FRS2: variants seen among roughly 807,000 people sequenced by gnomAD.
FRS2 encodes FGFR signalling adaptor.
FRS2 carries 8 observed loss-of-function variants against 43.9 expected under a neutral mutation model. The observed-to-expected ratio is 0.18, with a 90% CI of 0.11 to 0.33. The LOEUF (loss-of-function observed/expected upper bound fraction) is 0.33, where lower values mean the gene tolerates loss of function less well. FRS2 is among the 10% of genes least tolerant of loss of function. The probability of loss-of-function intolerance (pLI) is 1.00; values close to 1 mark genes in which losing one functional copy is unlikely to be tolerated. For missense variants in FRS2, 534 were observed against 627.6 expected (o/e 0.85, Z 1.59); for synonymous variants, 219 against 220.3 (o/e 0.99, Z 0.05).
chr12:69,487,720 C>T lies in FRS2; in HGVS notation c.-261+17190C>T, dbSNP rs138256526. Among the ~76,000 whole-genome samples the T allele has an allele frequency of 1.1e-3, 165 of 152,288 alleles. 1 individual carries two copies. Among genetic ancestry groups the T allele is most frequent in the African/African-American group, 3.7e-3 (152 of 41,558 alleles). The stretch of plus-strand genomic sequence containing the variant: ...ATAGGTGCCATAGGTAGTGATTCTT[C>T]TGATGGATCTGGGCAAAGTAAACTG... On this transcript the variant is annotated intron_variant, in intron 1 of 8. Transcript: ENST00000549921.
intron 1 of FRS2, chr12:69,491,398 A>T (rs1461024802): frequency 6.6e-6 from 1 of 151,982 alleles, no homozygotes; most frequent in African/African-American, 2.4e-5. Flanking sequence ...CGCCTGGCCC[A>T]TACGTAGCTT....
chr12:69,486,472 CT>C (rs1443879368), intron 1 of FRS2, among the ~76,000 whole-genome samples: 1 of 152,168 alleles, frequency 6.6e-6, no homozygotes, highest in African/African-American at 2.4e-5. Flanking sequence ...TTCCTCATCT[CT>C]TTCCTGCTCC....
At chr12:69,485,109 A>ACG (rs941367816) in intron 1 of FRS2, among the ~76,000 whole-genome samples, 1 of 148,660 alleles carries the variant, frequency 6.7e-6, no homozygotes. Context: ...ACACACACAC[A>ACG]CACACACACA....
rs527739765 is a variant in FRS2, at chr12:69,576,630, G to C, written c.*1675G>C. On this transcript the variant is annotated 3_prime_UTR_variant, in exon 9 of 9. Transcript: ENST00000549921. ...TTGGCATCCAACCTATTCAGTAACC[G>C]AATCATAGGACAATGATGGATTAGG... 2.0e-5 allele frequency: 3 copies of C among 152,114 alleles called. No individual in the cohort carries two copies. Among genetic ancestry groups the C allele is most frequent in the African/African-American group, 2.4e-5 (1 of 41,422 alleles). The allele number at this position is 152,114 out of a possible 1,614,324, so 9.4% of individuals were successfully genotyped here.
Position 69,470,439 on chromosome 12 carries a change from C to G in FRS2, c.-352C>G. ...GTAGGCACAGCGGCTGAGACTCGAT[C>G]TGCTCCAAGTAGGGGCTCCAGCGCG... On this transcript the variant is annotated 5_prime_UTR_variant, in exon 1 of 9. The change creates a new upstream start codon in the 5' untranslated region. Transcript: ENST00000549921. 2.5e-6 allele frequency: 1 copy of G among 398,572 alleles called. No individual in the cohort carries two copies. Among genetic ancestry groups the G allele is most frequent in the East Asian group, 3.6e-5 (1 of 28,072 alleles). 24.7% of individuals were successfully genotyped at this position (398,572 alleles called of 1,614,324 possible).
At chr12:69,489,095 C>A (rs1191154752) in intron 1 of FRS2, among the ~76,000 whole-genome samples, 1 of 152,100 alleles carries the variant, frequency 6.6e-6, no homozygotes, top group Admixed American at 6.5e-5. Flanking sequence ...GTAACCTTCC[C>A]AAGGTCAGGC....
At chr12:69,542,948 C>G (rs1878048808) in intron 3 of FRS2, among the ~76,000 whole-genome samples, 1 of 152,158 alleles carries the variant, frequency 6.6e-6, no homozygotes, top group South Asian at 2.1e-4. Context: ...AGGCAGTTAA[C>G]TTACCTAGAT....
chr12:69,560,512 G>GCTTTA (rs1164863239), intron 3 of FRS2, among the ~76,000 whole-genome samples: 1 of 152,128 alleles, frequency 6.6e-6, no homozygotes, highest in Non-Finnish European at 1.5e-5. Context: ...ATTGGGCTTT[G>GCTTTA]GTGTCAGATC....
chr12:69,541,185 C>T (rs924481056), intron 3 of FRS2, among the ~76,000 whole-genome samples: 12 of 151,984 alleles, frequency 7.9e-5, no homozygotes, highest in Admixed American at 2.6e-4. Flanking sequence ...CATATTTCCC[C>T]GGGAGCAACC....
intron 1 of FRS2, among the ~76,000 whole-genome samples, chr12:69,494,751 A>G (rs1872733393): frequency 1.3e-5 from 2 of 152,134 alleles, no homozygotes; most frequent in Admixed American, 6.5e-5. Context: ...CTCCTGTGCT[A>G]TAGCCTGTTG....
intron 1 of FRS2, among the ~76,000 whole-genome samples, chr12:69,492,242 G>T (rs221097): frequency 0.094 from 14,244 of 152,272 alleles, 880 homozygotes; most frequent in Non-Finnish European, 0.14. Context: ...GTAGAGGAAA[G>T]GGAGAGTTTG....
At chr12:69,510,788 C>T (rs1053284003) in intron 1 of FRS2, among the ~76,000 whole-genome samples, 1 of 152,094 alleles carries the variant, frequency 6.6e-6, no homozygotes, top group African/African-American at 2.4e-5. Flanking sequence ...TAGCTCAATA[C>T]CCTGCACATT....
intron 1 of FRS2, among the ~76,000 whole-genome samples, chr12:69,518,964 C>A (rs1158073510): frequency 6.7e-6 from 1 of 149,884 alleles, no homozygotes; most frequent in African/African-American, 2.5e-5. Context: ...CCCTTGCACT[C>A]CAGCCTTGGC....
chr12:69,565,392 A>C (rs1017658099), intron 4 of FRS2, among the ~76,000 whole-genome samples: 6 of 152,188 alleles, frequency 3.9e-5, no homozygotes, highest in African/African-American at 1.4e-4. Flanking sequence ...CTGTACTCTT[A>C]GGCTACGCTG....
chr12:69,481,391 A>G (rs1255074998), intron 1 of FRS2, among the ~76,000 whole-genome samples: 1 of 151,376 alleles, frequency 6.6e-6, no homozygotes, highest in Non-Finnish European at 1.5e-5. Context: ...AGAGATACTC[A>G]TGCCTCTCTT....
chr12:69,491,504 C>CTTT (rs1181575947), intron 1 of FRS2: 2 of 113,968 alleles, frequency 1.8e-5, no homozygotes, highest in Admixed American at 1.1e-4. Flanking sequence ...GCGTTTCTTC[C>CTTT]ATTTTTTTTT....
chr12:69,509,413 G>A (rs551575035), intron 1 of FRS2, among the ~76,000 whole-genome samples: 2 of 152,276 alleles, frequency 1.3e-5, no homozygotes, highest in East Asian at 3.9e-4. Flanking sequence ...GAGTCAACTT[G>A]CTGCTGCTTT....
chr12:69,574,424 T>C lies in FRS2; in HGVS notation c.996T>C (p.Asp332=). Residue 332 remains aspartate, a synonymous_variant, in exon 9 of 9, where the codon GAT becomes GAC. Coordinates refer to ENST00000549921, the MANE Select transcript of FRS2 (RefSeq NM_001278356.2). Reference sequence around the variant, plus strand: ...GTCTGACATCCACCAGTACCTCAGATACCCAGAATATCAACAACTCAGCTC... The same window carrying C: ...GTCTGACATCCACCAGTACCTCAGACACCCAGAATATCAACAACTCAGCTC... ...RGRLTSTSTS[D]TQNINNSAQR... 6.2e-7 allele frequency: 1 copy of C among 1,614,080 alleles called. No homozygotes were observed. The highest frequency in any genetic ancestry group is 8.5e-7 in the Non-Finnish European group (1 of 1,179,924).
At position 69,485,095 on chromosome 12, in the gene FRS2, A is replaced by ACACACACACACACACACGCG. The variant is rs1452616877; in HGVS notation, c.-261+14582_-261+14583insGCGCACACACACACACACAC. Among the ~76,000 whole-genome samples, 10 of 133,414 alleles carry ACACACACACACACACACGCG rather than the reference A, an allele frequency of 7.5e-5. No homozygotes were observed. The East Asian group carries it at 1.2e-3, about 16-fold the overall frequency. 87.5% of individuals were successfully genotyped at this position (133,414 alleles called of 152,430 possible). ...ACCTCATCTTAAAACACACACACAC[A>ACACACACACACACACACGCG]CACACACACACACACACACACACAC... On this transcript the variant is annotated intron_variant, in intron 1 of 8. Coordinates refer to ENST00000549921, the MANE Select transcript of FRS2 (RefSeq NM_001278356.2).
Sources: allele counts gnomAD v4.1 joint callset (sites outside exome capture counted in the v4.1 genomes callset), GRCh38; gene constraint gnomAD v4.1.1; transcripts MANE v1.5; gene names NCBI Gene and HGNC (gene_info 2026-07-23, HGNC 2026-07-21).